The following KIAA1671 variants were observed in gnomAD, a reference collection of about 807,000 sequenced individuals.
The protein encoded by KIAA1671 is KIAA1671.
Under a neutral mutation model 131.2 loss-of-function variants are expected in KIAA1671, and 52 were observed. The ratio of observed to expected loss-of-function variants is 0.40; its 90% CI spans 0.32 to 0.50. KIAA1671 has a LOEUF of 0.50. KIAA1671 is among the 20% of genes least tolerant of loss of function. KIAA1671 has a pLI of 0.73. For missense variants in KIAA1671, 2,360 were observed against 2,364.2 expected (o/e 1.00, Z 0.04); for synonymous variants, 1,003 against 961.6 (o/e 1.04, Z -0.80).
chr22:25,185,221 C>A (rs930142005), intron 11 of KIAA1671, 102 bp downstream of exon 11: 8 of 1,244,712 alleles, frequency 6.4e-6, no homozygotes, highest in Non-Finnish European at 8.7e-6. Context: ...AAGAGAGTTA[C>A]AACTTTTTAA....
rs140795305 is a variant in KIAA1671, at chr22:25,177,590, A to C, written c.5074+68A>C. On this transcript the variant is annotated intron_variant, in intron 9 of 12. Transcript: ENST00000358431. ...GCAGGAAGGATTTAGACTAAGCCCT[A>C]TGAAAAAATTCCTGACTTGGAAGGC... is the stretch of plus-strand genomic sequence containing the variant. 3 of 1,381,198 alleles carry C rather than the reference A, an allele frequency of 2.2e-6. No individual in the cohort carries two copies. In the African/African-American group the frequency reaches 4.4e-5, roughly 20 times the overall value. The allele number at this position is 1,381,198 out of a possible 1,614,324, so 85.6% of individuals were successfully genotyped here. A position where few individuals can be genotyped will look rare whatever the true frequency, so the allele number is the denominator to read the frequency against.
At chr22:24,989,055 C>T in intron 1 of KIAA1671, among the ~76,000 whole-genome samples, 1 of 152,168 alleles carries the variant, frequency 6.6e-6, no homozygotes, top group South Asian at 2.1e-4. Flanking sequence ...ACCACTTCTT[C>T]GTGGAGGGAG....
chr22:25,153,208 T>G (rs1368273428), intron 6 of KIAA1671, among the ~76,000 whole-genome samples: 1 of 152,228 alleles, frequency 6.6e-6, no homozygotes, highest in African/African-American at 2.4e-5. Context: ...AAAGATATTT[T>G]TCCCACACAT....
intron 1 of KIAA1671, among the ~76,000 whole-genome samples, chr22:24,986,636 C>T (rs1923551144): frequency 1.5e-5 from 2 of 134,506 alleles, no homozygotes; most frequent in African/African-American, 2.8e-5. Flanking sequence ...CCCAACCACC[C>T]ACCCACCCAT....
At chr22:25,051,242 G>C (rs1927516560) in intron 6 of KIAA1671, 1 of 152,324 alleles carries the variant, frequency 6.6e-6, no homozygotes, top group African/African-American at 2.4e-5. Flanking sequence ...TGGCCACAAG[G>C]AGGAGGTGGT....
At chr22:25,049,132 G>A (rs1280012179) in intron 5 of KIAA1671, 98 bp from the exon 6 acceptor site, 51 of 1,389,126 alleles carry the variant, frequency 3.7e-5, no homozygotes, top group Non-Finnish European at 4.7e-5. Flanking sequence ...TTTCTTCTTT[G>A]CCCTTTTTGG....
intron 1 of KIAA1671, among the ~76,000 whole-genome samples, chr22:24,973,104 G>T (rs1922712880): frequency 6.6e-6 from 1 of 152,192 alleles, no homozygotes; most frequent in South Asian, 2.1e-4. Context: ...GGGAGCAAGG[G>T]GGAGAGGTTC....
At chr22:25,018,714 C>T (rs1343091500) in intron 1 of KIAA1671, among the ~76,000 whole-genome samples, 3 of 152,124 alleles carry the variant, frequency 2.0e-5, no homozygotes, top group Admixed American at 6.5e-5. Flanking sequence ...AAGGGTCATC[C>T]GTATTGTAGC....
At chr22:25,103,082 C>T (rs1930778265) in intron 6 of KIAA1671, among the ~76,000 whole-genome samples, 1 of 152,174 alleles carries the variant, frequency 6.6e-6, no homozygotes, top group Non-Finnish European at 1.5e-5. Context: ...TCACAAGAGG[C>T]CTGGGGAACA....
chr22:25,071,959 C>T (rs182998478), intron 6 of KIAA1671, among the ~76,000 whole-genome samples: 2 of 152,204 alleles, frequency 1.3e-5, no homozygotes, highest in East Asian at 3.9e-4. Flanking sequence ...GGGTGGTGCA[C>T]AGTGCCTCAA....
intron 6 of KIAA1671, among the ~76,000 whole-genome samples, chr22:25,169,047 A>G (rs1933748748): frequency 1.3e-5 from 2 of 152,132 alleles, no homozygotes; most frequent in Admixed American, 1.3e-4. Flanking sequence ...CGTAAGGAGT[A>G]AAGATGAGCC....
intron 6 of KIAA1671, among the ~76,000 whole-genome samples, chr22:25,155,836 T>G (rs1257993122): frequency 1.3e-5 from 2 of 151,634 alleles, no homozygotes; most frequent in African/African-American, 4.8e-5. Flanking sequence ...TCTGTGTCTA[T>G]GCATTTGCCT....
At chr22:25,126,656 T>C (rs1932198856) in intron 6 of KIAA1671, among the ~76,000 whole-genome samples, 2 of 152,188 alleles carry the variant, frequency 1.3e-5, no homozygotes, top group Non-Finnish European at 2.9e-5. Flanking sequence ...CTTTTTTTGT[T>C]ACAGCTGAGG....
intron 6 of KIAA1671, among the ~76,000 whole-genome samples, chr22:25,068,327 T>C (rs1196421889): frequency 6.6e-6 from 1 of 152,182 alleles, no homozygotes; most frequent in Non-Finnish European, 1.5e-5. Context: ...CTGCTGGGAG[T>C]GGGGCGCTGA....
intron 1 of KIAA1671, among the ~76,000 whole-genome samples, chr22:24,984,592 C>T (rs1412291026): frequency 6.6e-6 from 1 of 152,070 alleles, no homozygotes; most frequent in Non-Finnish European, 1.5e-5. Flanking sequence ...GAATTAATTC[C>T]CTTATATGTG....
chr22:25,048,921 A>G (rs1927386450), intron 5 of KIAA1671: 3 of 315,618 alleles, frequency 9.5e-6, no homozygotes, highest in Non-Finnish European at 1.8e-5. Flanking sequence ...TGTACATTCC[A>G]TGTGCTGTTT....
At chr22:24,996,865 C>T (rs5760782) in intron 1 of KIAA1671, among the ~76,000 whole-genome samples, 3 of 151,862 alleles carry the variant, frequency 2.0e-5, no homozygotes, top group Non-Finnish European at 4.4e-5. Flanking sequence ...GGATGGGTGC[C>T]GCAGCAGGAA....
intron 4 of KIAA1671, among the ~76,000 whole-genome samples, chr22:25,033,096 T>G (rs1602083960): frequency 6.6e-6 from 1 of 152,108 alleles, no homozygotes; most frequent in Non-Finnish European, 1.5e-5. Flanking sequence ...AAGGAAGAAG[T>G]AGGTGGCTGG....
At chr22:24,957,481 C>G (rs533225415) in intron 1 of KIAA1671, among the ~76,000 whole-genome samples, 158 of 152,218 alleles carry the variant, frequency 1.0e-3, no homozygotes, top group Non-Finnish European at 1.9e-3. Context: ...GCATCCCTGT[C>G]CAGGAGTTCA....
Sources: allele counts gnomAD v4.1 joint callset (sites outside exome capture counted in the v4.1 genomes callset), GRCh38; gene constraint gnomAD v4.1.1; transcripts MANE v1.5; gene names NCBI Gene and HGNC (gene_info 2026-07-23, HGNC 2026-07-21).